The following TINAG variants were observed in gnomAD, a reference collection of about 807,000 sequenced individuals.
The protein encoded by TINAG is tubulointerstitial nephritis antigen.
TINAG carries 83 observed loss-of-function variants against 72.7 expected under a neutral mutation model. The ratio of observed to expected loss-of-function variants is 1.14; its 90% CI spans 0.96 to 1.37. The LOEUF (loss-of-function observed/expected upper bound fraction) is 1.37. Among genes scored for constraint, TINAG ranks in the 40% most tolerant of loss-of-function variants. The pLI is 0.00. For missense variants in TINAG, 685 were observed against 576.6 expected (o/e 1.19, Z -1.93); for synonymous variants, 234 against 189.9 (o/e 1.23, Z -1.91).
chr6:54,379,418 A>G (rs1306691469), intron 9 of TINAG, among the ~76,000 whole-genome samples: 1 of 152,192 alleles, frequency 6.6e-6, no homozygotes, highest in Non-Finnish European at 1.5e-5. Context: ...GTGTACGTTT[A>G]GGTTTTTTAT....
Position 54,347,498 on chromosome 6 carries a change from T to C in TINAG, c.880T>C (p.Trp294Arg), listed in dbSNP as rs767608737. ...TAGTGGAAGCATCGATAGGGCTTGG[T>C]GGTACCTGAGAAAACGTGGGTAAAT... ...CNSGSIDRAW[W>R]YLRKRGLVSH... is the part of the protein sequence containing the mutation. Residue 294 changes from tryptophan (W) to arginine (R), a missense_variant, in exon 6 of 11, where the codon TGG (tryptophan) becomes CGG (arginine). Physicochemically the swap from Trp to Arg is moderately radical, Grantham distance 101. Coordinates refer to ENST00000259782, the MANE Select transcript of TINAG (RefSeq NM_014464.4). 1 of 1,612,902 alleles carries C rather than the reference T, an allele frequency of 6.2e-7. No individual in the cohort carries two copies. The highest frequency in any genetic ancestry group is 1.1e-5 in the South Asian group (1 of 91,010).
chr6:54,356,244 A>G (rs1763038865), intron 9 of TINAG, among the ~76,000 whole-genome samples: 1 of 151,912 alleles, frequency 6.6e-6, no homozygotes, highest in Admixed American at 6.6e-5. Context: ...AGTAAAAAAT[A>G]CCAAATCAGG....
intron 9 of TINAG, among the ~76,000 whole-genome samples, chr6:54,355,846 A>G (rs1278879108): frequency 1.3e-5 from 2 of 151,708 alleles, no homozygotes; most frequent in African/African-American, 4.8e-5. Context: ...AGAAACAAAG[A>G]AAGAAAGAAG....
chr6:54,336,691 TA>T (rs1162324786), intron 4 of TINAG, among the ~76,000 whole-genome samples: 4 of 152,194 alleles, frequency 2.6e-5, no homozygotes, highest in African/African-American at 2.4e-5. Flanking sequence ...AAATTATTTT[TA>T]TTTGTTTCCC....
chr6:54,354,507 T>C lies in TINAG; in HGVS notation c.1127-6T>C. On this transcript the variant is annotated splice_region_variant and splice_polypyrimidine_tract_variant and intron_variant, in intron 8 of 10. Coordinates refer to ENST00000259782, the MANE Select transcript of TINAG (RefSeq NM_014464.4). ...GTGCCATTTGTTCTGTTGGATTTTATTTTAGCCATAATGCAAGTCCGTGAA... is the reference window on the plus strand; with the variant it reads ...GTGCCATTTGTTCTGTTGGATTTTACTTTAGCCATAATGCAAGTCCGTGAA... 6.3e-7 allele frequency: 1 copy of C among 1,595,904 alleles called. No homozygotes were observed. Among genetic ancestry groups the C allele is most frequent in the Non-Finnish European group, 8.5e-7 (1 of 1,173,520 alleles).
intron 9 of TINAG, among the ~76,000 whole-genome samples, chr6:54,360,340 C>T (rs1038814165): frequency 3.4e-4 from 52 of 151,516 alleles, no homozygotes; most frequent in Non-Finnish European, 1.2e-4. Context: ...GAAATACGGC[C>T]TTATTTTATA....
chr6:54,373,663 C>G (rs909097623), intron 9 of TINAG, among the ~76,000 whole-genome samples: 1 of 152,072 alleles, frequency 6.6e-6, no homozygotes, highest in Non-Finnish European at 1.5e-5. Flanking sequence ...CTGACATGGA[C>G]GATATGCAAA....
chr6:54,346,387 T>C (rs1429158837), intron 5 of TINAG, among the ~76,000 whole-genome samples: 2 of 151,786 alleles, frequency 1.3e-5, no homozygotes, highest in Non-Finnish European at 2.9e-5. Context: ...AACAAAAGAA[T>C]AGAAGTTTTA....
At chr6:54,326,991 T>A in intron 4 of TINAG, 75 bp downstream of exon 4, 1 of 1,588,752 alleles carries the variant, frequency 6.3e-7, no homozygotes, top group Non-Finnish European at 8.6e-7. Flanking sequence ...AAAGCAATTA[T>A]AAATCACTAA....
Position 54,317,003 on chromosome 6 carries a change from G to C in TINAG, c.356-3576G>C, listed in dbSNP as rs1425804276. On this transcript the variant is annotated intron_variant, in intron 1 of 10. Coordinates refer to ENST00000259782, the MANE Select transcript of TINAG (RefSeq NM_014464.4). ...TGGCTTTGTTTTGTTTTGTTTTTTT[G>C]GTCAAGATGCTGTGTGTAACCAATT... Among the ~76,000 whole-genome samples the C allele has an allele frequency of 7.2e-5, 11 of 151,832 alleles. No homozygotes were observed. In the South Asian group the frequency reaches 1.5e-3, roughly 20 times the overall value.
In TINAG at chr6:54,375,555, A is replaced by G. The variant is rs374235276; in HGVS notation, c.1251-4971A>G. On this transcript the variant is annotated intron_variant, in intron 9 of 10. Coordinates refer to ENST00000259782, the MANE Select transcript of TINAG (RefSeq NM_014464.4). Reference sequence around the variant, plus strand: ...TTTCTCATCCCTTTCTTTCCATATAAATTGGCCAACAAATTCCATCACTTT... The same window carrying G: ...TTTCTCATCCCTTTCTTTCCATATAGATTGGCCAACAAATTCCATCACTTT... Among the ~76,000 whole-genome samples the G allele has an allele frequency of 9.5e-4, 145 of 152,212 alleles. 2 individuals are homozygous for G. In the South Asian group the frequency reaches 0.029, roughly 31 times the overall value.
chr6:54,323,721 A>C (rs1057436748), intron 3 of TINAG, among the ~76,000 whole-genome samples: 1 of 152,226 alleles, frequency 6.6e-6, no homozygotes, highest in African/African-American at 2.4e-5. Flanking sequence ...TGGGAGGCCA[A>C]GACGAGCAGA....
intron 9 of TINAG, chr6:54,365,409 G>C (rs1306083506): frequency 2.0e-5 from 3 of 151,488 alleles, no homozygotes; most frequent in Non-Finnish European, 4.4e-5. Flanking sequence ...TTTAGGATGG[G>C]TGCTTTTAGT....
chr6:54,357,936 T>A (rs1763103653), intron 9 of TINAG, among the ~76,000 whole-genome samples: 1 of 151,908 alleles, frequency 6.6e-6, no homozygotes, highest in African/African-American at 2.4e-5. Context: ...CAATGGCTTA[T>A]AAAGGGCCAA....
chr6:54,318,811 G>A (rs1385941213), intron 1 of TINAG, among the ~76,000 whole-genome samples: 1 of 152,094 alleles, frequency 6.6e-6, no homozygotes, highest in East Asian at 1.9e-4. Context: ...AGACACTGAT[G>A]CTTTACTGTG....
At chr6:54,364,730 G>T (rs1763352719) in intron 9 of TINAG, among the ~76,000 whole-genome samples, 1 of 151,340 alleles carries the variant, frequency 6.6e-6, no homozygotes, top group Admixed American at 6.6e-5. Context: ...ACCTCAATAA[G>T]TTACCATACT....
chr6:54,371,861 T>C (rs544601814), intron 9 of TINAG, among the ~76,000 whole-genome samples: 82 of 152,040 alleles, frequency 5.4e-4, no homozygotes, highest in Non-Finnish European at 1.1e-3. Flanking sequence ...CATGAACAAT[T>C]GTTCAATTAG....
intron 7 of TINAG, among the ~76,000 whole-genome samples, chr6:54,350,168 A>C (rs1377870130): frequency 6.6e-6 from 1 of 152,018 alleles, no homozygotes; most frequent in Non-Finnish European, 1.5e-5. Flanking sequence ...GTGTATATAC[A>C]TATATTTGAA....
intron 9 of TINAG, among the ~76,000 whole-genome samples, chr6:54,374,870 T>G (rs1177180463): frequency 6.6e-6 from 1 of 152,112 alleles, no homozygotes; most frequent in East Asian, 1.9e-4. Flanking sequence ...GTGTCCTGTA[T>G]AAAATATCTT....
Sources: gnomAD v4.1 joint callset for allele counts (sites outside exome capture counted in the v4.1 genomes callset) on GRCh38, gnomAD v4.1.1 for gene constraint, MANE v1.5 for transcripts, NCBI Gene and HGNC (gene_info 2026-07-23, HGNC 2026-07-21) for gene names.